The following MAP2K4 variants were observed in gnomAD, a reference collection of about 807,000 sequenced individuals.
MAP2K4 encodes the protein dual specificity mitogen-activated protein kinase kinase 4.
MAP2K4 carries 4 observed loss-of-function variants against 48.5 expected under a neutral mutation model. The ratio of observed to expected loss-of-function variants is 0.08; its 90% confidence interval spans 0.04 to 0.19. The LOEUF (loss-of-function observed/expected upper bound fraction) is 0.19. MAP2K4 is among the 10% of genes least tolerant of loss of function. The probability of loss-of-function intolerance (pLI) is 1.00; values close to 1 mark genes in which losing one functional copy is unlikely to be tolerated. For missense variants in MAP2K4, 258 were observed against 493.3 expected, an observed-to-expected ratio of 0.52 and a Z score of 4.52; for synonymous variants, 166 against 173.1, an observed-to-expected ratio of 0.96 and a Z score of 0.32.
chr17:12,126,700 G>T (rs1972865247), intron 8 of MAP2K4, among the ~76,000 whole-genome samples: 1 of 152,048 alleles, frequency 6.6e-6, no homozygotes, highest in Admixed American at 6.5e-5. Flanking sequence ...GGATTTGCTG[G>T]GGGGTGGGGA....
intron 2 of MAP2K4, among the ~76,000 whole-genome samples, chr17:12,079,497 C>T (rs1168068959): frequency 6.6e-6 from 1 of 152,052 alleles, no homozygotes; most frequent in Non-Finnish European, 1.5e-5. Context: ...CCACTCACAC[C>T]CAAAGAAATA....
At chr17:12,115,721 A>G (rs1411192965) in intron 7 of MAP2K4, 7 of 764,646 alleles carry the variant, frequency 9.2e-6, no homozygotes, top group Non-Finnish European at 1.5e-5. Flanking sequence ...CAAGCTGGGA[A>G]AACCACTTAA....
intron 1 of MAP2K4, among the ~76,000 whole-genome samples, chr17:12,054,228 T>C (rs1185691725): frequency 1.3e-5 from 2 of 152,300 alleles, no homozygotes; most frequent in East Asian, 3.9e-4. Context: ...TATGTAAAAT[T>C]TTAACCCTAT....
chr17:12,088,340 T>C (rs118099156), intron 3 of MAP2K4, among the ~76,000 whole-genome samples: 1,815 of 150,292 alleles, frequency 0.012, 15 homozygotes, highest in Non-Finnish European at 0.021. Flanking sequence ...GTTTATGGCA[T>C]AGCAGTATTG....
intron 10 of MAP2K4, 30 bp from the exon 11 acceptor site, chr17:12,141,117 T>C: frequency 1.4e-6 from 2 of 1,433,220 alleles, no homozygotes; most frequent in Non-Finnish European, 9.8e-7. Context: ...ATACAAACTT[T>C]TGACTTTTTT....
intron 9 of MAP2K4, among the ~76,000 whole-genome samples, chr17:12,135,900 T>A (rs1973191826): frequency 6.6e-6 from 1 of 152,124 alleles, no homozygotes; most frequent in Non-Finnish European, 1.5e-5. Flanking sequence ...GAGGAATCCA[T>A]GGAGCTCTGA....
chr17:12,103,418 T>C (rs1238685444), intron 4 of MAP2K4, among the ~76,000 whole-genome samples: 1 of 152,066 alleles, frequency 6.6e-6, no homozygotes, highest in East Asian at 1.9e-4. Flanking sequence ...TCGTTCTGAT[T>C]GTGGTTTCTT....
chr17:12,088,554 T>G (rs1258777607), intron 3 of MAP2K4, among the ~76,000 whole-genome samples: 6 of 42,458 alleles, frequency 1.4e-4, no homozygotes, highest in Non-Finnish European at 4.1e-4. Flanking sequence ...ATATCTAATA[T>G]ATAATATATA....
intron 4 of MAP2K4, among the ~76,000 whole-genome samples, chr17:12,100,638 AC>A (rs1401644991): frequency 2.0e-5 from 3 of 152,024 alleles, no homozygotes; most frequent in Non-Finnish European, 4.4e-5. Context: ...AAATGGACAA[AC>A]TTTTTTCTAA....
chr17:12,074,180 C>T (rs866528520), intron 2 of MAP2K4, among the ~76,000 whole-genome samples: 8 of 151,928 alleles, frequency 5.3e-5, no homozygotes, highest in African/African-American at 1.5e-4. Context: ...ATATATGGAA[C>T]GTGGTAAATG....
At position 12,032,477 on chromosome 17, in the gene MAP2K4, C is replaced by CT. The variant is rs28918087; in HGVS notation, c.115+11482dup. On this transcript the variant is annotated intron_variant, in intron 1 of 10. Transcript: ENST00000353533. ...ATTATATTCTTGATTGTAAATTGTA[C>CT]TTTTTTCACTTGAAATTGAAATAGC... Among the ~76,000 whole-genome samples the CT allele has an allele frequency of 8.6e-3, 1,307 of 151,874 alleles. 24 individuals are homozygous for CT. The highest frequency in any genetic ancestry group is 0.03 in the African/African-American group (1,232 of 41,430).
At chr17:12,133,741 A>G (rs909703941) in intron 9 of MAP2K4, among the ~76,000 whole-genome samples, 1 of 152,170 alleles carries the variant, frequency 6.6e-6, no homozygotes, top group Non-Finnish European at 1.5e-5. Flanking sequence ...TCCAAAATTT[A>G]TCGTGTGCAG....
intron 2 of MAP2K4, among the ~76,000 whole-genome samples, chr17:12,077,722 G>A (rs1971059705): frequency 6.6e-6 from 1 of 152,160 alleles, no homozygotes; most frequent in Admixed American, 6.5e-5. Flanking sequence ...ACCTCTAACT[G>A]CAAGGAATGT....
At chr17:12,077,862 G>A (rs1032880948) in intron 2 of MAP2K4, among the ~76,000 whole-genome samples, 6 of 152,152 alleles carry the variant, frequency 3.9e-5, no homozygotes, top group African/African-American at 7.2e-5. Context: ...AACCTGAGGC[G>A]TCCTGCCTTG....
chr17:12,025,249 C>T (rs1409967109), intron 1 of MAP2K4, among the ~76,000 whole-genome samples: 1 of 152,154 alleles, frequency 6.6e-6, no homozygotes, highest in African/African-American at 2.4e-5. Flanking sequence ...TTTCTCAACT[C>T]TCTGTTCAGA....
intron 9 of MAP2K4, among the ~76,000 whole-genome samples, chr17:12,136,758 A>G (rs1223121618): frequency 6.6e-6 from 1 of 152,220 alleles, no homozygotes; most frequent in Non-Finnish European, 1.5e-5. Context: ...GCTCCAGTAG[A>G]TGAAATAGAA....
chr17:12,119,896 C>G (rs1391284402), intron 7 of MAP2K4, among the ~76,000 whole-genome samples: 2 of 152,202 alleles, frequency 1.3e-5, no homozygotes, highest in African/African-American at 4.8e-5. Context: ...ACTTACTTAG[C>G]AAACTAATGC....
chr17:12,129,178 A>G lies in MAP2K4; in HGVS notation c.931A>G (p.Asn311Asp), dbSNP rs779390733. ...ATGRFPYPKW[N>D]SVFDQLTQVV... ...AGGCCGATTTCCTTATCCAAAGTGG[A>G]ATAGTGTATTTGATCAACTAACACA... The change falls in exon 9 of 11, where the codon AAT becomes GAT. Residue 311 changes from asparagine (N) to aspartate (D), a missense_variant. Physicochemically the swap from Asn to Asp is conservative, Grantham distance 23. This residue lies in a region of MAP2K4 where 132 missense variants were observed against 352.8 expected (regional missense o/e 0.37). Transcript: ENST00000353533. 1.9e-6 allele frequency: 3 copies of G among 1,614,168 alleles called. No individual in the cohort carries two copies. The South Asian group carries it at 3.3e-5, about 18-fold the overall frequency.
intron 2 of MAP2K4, chr17:12,069,892 TATATATATATA>T (rs1970734925): frequency 1.7e-3 from 3 of 1,716 alleles, no homozygotes; most frequent in East Asian, 7.4e-3. Context: ...AGATTAGTCA[TATATATATATA>T]TATATATATA....
Sources: allele counts gnomAD v4.1 joint callset (sites outside exome capture counted in the v4.1 genomes callset), GRCh38; gene constraint gnomAD v4.1.1; regional missense constraint gnomAD v4.1.1; transcripts MANE v1.5; gene names NCBI Gene and HGNC (gene_info 2026-07-23, HGNC 2026-07-21).